The following LINGO2 variants were observed in gnomAD, a reference collection of about 807,000 sequenced individuals.
The protein encoded by LINGO2 is leucine rich repeat and Ig domain containing 2.
LINGO2 carries 14 observed loss-of-function variants against 30.6 expected under a neutral mutation model. The ratio of observed to expected loss-of-function variants is 0.46; its 90% CI spans 0.30 to 0.72. The LOEUF is 0.72. LINGO2 is among the 30% of genes least tolerant of loss of function. The probability of loss-of-function intolerance (pLI) is 0.07; values close to 1 mark genes in which losing one functional copy is unlikely to be tolerated. For missense variants in LINGO2, 729 were observed against 751.7 expected, an observed-to-expected ratio of 0.97 and a Z score of 0.35; for synonymous variants, 317 against 288.5, an observed-to-expected ratio of 1.10 and a Z score of -1.00.
rs139135792 is a variant in LINGO2, at chr9:28,605,153, A to C, written c.-365+65047T>G. Among the ~76,000 whole-genome samples the C allele has an allele frequency of 2.0e-3, 302 of 152,202 alleles. 3 individuals are homozygous for C. Among genetic ancestry groups the C allele is most frequent in the African/African-American group, 7.0e-3 (290 of 41,564 alleles). On this transcript the variant is annotated intron_variant, in intron 1 of 5. Transcript: ENST00000379992. Reference sequence around the variant, plus strand: ...AAAAACTATAAATATAAAATGCACAATGTTTTTCATTAGTATTAGAAAATA... The same window carrying C: ...AAAAACTATAAATATAAAATGCACACTGTTTTTCATTAGTATTAGAAAATA...
chr9:28,078,706 T>A (rs1017876177), intron 4 of LINGO2, among the ~76,000 whole-genome samples: 1 of 147,512 alleles, frequency 6.8e-6, no homozygotes, highest in African/African-American at 2.7e-5. Context: ...ATTAGCTGGG[T>A]GTGGTAGTAC....
chr9:28,663,161 T>C (rs770586216), intron 1 of LINGO2, among the ~76,000 whole-genome samples: 2 of 151,922 alleles, frequency 1.3e-5, no homozygotes, highest in Non-Finnish European at 2.9e-5. Context: ...TGAGGTGCAG[T>C]TGTATTTTTT....
At chr9:28,050,640 C>G (rs1026892844) in intron 4 of LINGO2, among the ~76,000 whole-genome samples, 2 of 150,778 alleles carry the variant, frequency 1.3e-5, no homozygotes, top group East Asian at 3.9e-4. Flanking sequence ...ACCGAAATAC[C>G]ACCCTTCATA....
chr9:29,060,608 A>G, the LINGO2 span, among the ~76,000 whole-genome samples: 2 of 152,078 alleles, frequency 1.3e-5, no homozygotes, highest in African/African-American at 4.8e-5. Context: ...AGAAACTATT[A>G]CAATCCTACT....
chr9:28,320,517 T>C (rs1212751628), intron 3 of LINGO2, among the ~76,000 whole-genome samples: 2 of 152,172 alleles, frequency 1.3e-5, no homozygotes, highest in African/African-American at 2.4e-5. Context: ...AATAGTTATA[T>C]GGCATTAGAC....
chr9:28,009,209 C>A (rs946581930), intron 5 of LINGO2, among the ~76,000 whole-genome samples: 3 of 150,838 alleles, frequency 2.0e-5, no homozygotes, highest in Admixed American at 1.3e-4. Context: ...TAAAGTTGAA[C>A]CCCTAACTTC....
chr9:28,304,473 T>A (rs966387485), intron 3 of LINGO2, among the ~76,000 whole-genome samples: 2 of 151,922 alleles, frequency 1.3e-5, no homozygotes, highest in African/African-American at 2.4e-5. Flanking sequence ...GAAATCAGTA[T>A]ATCCCTGAAA....
chr9:28,956,344 T>C, the LINGO2 span, among the ~76,000 whole-genome samples: 2 of 152,112 alleles, frequency 1.3e-5, no homozygotes, highest in African/African-American at 4.8e-5. Flanking sequence ...AACAGGAAGA[T>C]GAGCTCTCCC....
the LINGO2 span, among the ~76,000 whole-genome samples, chr9:28,871,909 C>G: frequency 6.6e-6 from 1 of 151,912 alleles, no homozygotes; most frequent in African/African-American, 2.4e-5. Flanking sequence ...CTTATTTTAT[C>G]TTCTGTTACT....
chr9:29,173,478 C>T, the LINGO2 span, among the ~76,000 whole-genome samples: 3 of 152,088 alleles, frequency 2.0e-5, no homozygotes, highest in Non-Finnish European at 2.9e-5. Flanking sequence ...GAGCAAGTCC[C>T]TTGTATTCAG....
At chr9:29,201,272 A>G in the LINGO2 span, among the ~76,000 whole-genome samples, 3 of 152,088 alleles carry the variant, frequency 2.0e-5, no homozygotes, top group South Asian at 6.2e-4. Flanking sequence ...ATGTGTTTAT[A>G]TCAGCATGAA....
At chr9:28,224,279 T>A (rs1180653321) in intron 4 of LINGO2, among the ~76,000 whole-genome samples, 2 of 152,278 alleles carry the variant, frequency 1.3e-5, no homozygotes, top group East Asian at 1.9e-4. Context: ...TTAGCCAGGA[T>A]GGTCTCGATC....
the LINGO2 span, among the ~76,000 whole-genome samples, chr9:29,129,090 A>G: frequency 6.6e-6 from 1 of 152,170 alleles, no homozygotes; most frequent in African/African-American, 2.4e-5. Context: ...CTATTAACCC[A>G]GCGAAAACAA....
At chr9:28,126,350 T>A (rs1201503350) in intron 4 of LINGO2, among the ~76,000 whole-genome samples, 1 of 152,126 alleles carries the variant, frequency 6.6e-6, no homozygotes, top group Non-Finnish European at 1.5e-5. Flanking sequence ...TAGTCAAAGA[T>A]AATGGCTTTA....
At chr9:28,082,909 A>G (rs923925604) in intron 4 of LINGO2, among the ~76,000 whole-genome samples, 1 of 151,880 alleles carries the variant, frequency 6.6e-6, no homozygotes, top group Non-Finnish European at 1.5e-5. Context: ...CTGGTTTCAA[A>G]TTTTCCCTCT....
intron 3 of LINGO2, among the ~76,000 whole-genome samples, chr9:28,301,257 C>T (rs1246663619): frequency 6.6e-6 from 1 of 152,028 alleles, no homozygotes; most frequent in African/African-American, 2.4e-5. Context: ...TCCTTGGCCA[C>T]CAGTTTGAGA....
At chr9:28,942,119 T>C in the LINGO2 span, among the ~76,000 whole-genome samples, 4 of 152,066 alleles carry the variant, frequency 2.6e-5, no homozygotes, top group Admixed American at 2.6e-4. Flanking sequence ...TGTCTTTGTA[T>C]TGTAAAGTGA....
At chr9:29,180,835 G>A in the LINGO2 span, among the ~76,000 whole-genome samples, 25 of 152,172 alleles carry the variant, frequency 1.6e-4, no homozygotes, top group Admixed American at 2.6e-4. Flanking sequence ...ATCCAAGATC[G>A]CAAAATAACA....
chr9:28,848,874 C>A, the LINGO2 span, among the ~76,000 whole-genome samples: 1 of 151,902 alleles, frequency 6.6e-6, no homozygotes, highest in Admixed American at 6.6e-5. Flanking sequence ...TATGTGTCTC[C>A]TCCCGCAAAA....
Sources: gnomAD v4.1 joint callset for allele counts (sites outside exome capture counted in the v4.1 genomes callset) on GRCh38, gnomAD v4.1.1 for gene constraint, MANE v1.5 for transcripts, NCBI Gene and HGNC (gene_info 2026-07-23, HGNC 2026-07-21) for gene names.